The following TBC1D14 variants were observed in gnomAD, a reference collection of about 807,000 sequenced individuals.
TBC1D14 encodes TBC1 domain family member 14.
Under a neutral mutation model 79.0 loss-of-function variants are expected in TBC1D14, and 26 were observed. The observed-to-expected ratio is 0.33, with a 90% CI of 0.24 to 0.46. TBC1D14 has a LOEUF of 0.46. TBC1D14 is among the 20% of genes least tolerant of loss of function. The pLI, the probability that TBC1D14 is intolerant of heterozygous loss-of-function variation, is 1.00. For synonymous variants in TBC1D14, 394 were observed against 349.9 expected, an observed-to-expected ratio of 1.13 and a Z score of -1.40; for missense variants, 769 against 887.6, an observed-to-expected ratio of 0.87 and a Z score of 1.70.
At chr4:6,952,578 A>G (rs1027407499) in intron 2 of TBC1D14, among the ~76,000 whole-genome samples, 1 of 152,248 alleles carries the variant, frequency 6.6e-6, no homozygotes, top group African/African-American at 2.4e-5. Flanking sequence ...CACAGTGCAG[A>G]CATCTATGAA....
At chr4:6,940,097 A>G (rs1712761336) in intron 2 of TBC1D14, among the ~76,000 whole-genome samples, 2 of 152,134 alleles carry the variant, frequency 1.3e-5, no homozygotes, top group South Asian at 4.1e-4. Context: ...TTACTAGAAT[A>G]TCAAACTGCC....
chr4:6,971,278 C>G (rs1342215207), intron 3 of TBC1D14, among the ~76,000 whole-genome samples: 1 of 152,214 alleles, frequency 6.6e-6, no homozygotes, highest in African/African-American at 2.4e-5. Flanking sequence ...GGATAATGCG[C>G]ATGTGGTGTA....
chr4:6,918,409 T>G (rs1316967800), intron 1 of TBC1D14, among the ~76,000 whole-genome samples: 1 of 152,232 alleles, frequency 6.6e-6, no homozygotes, highest in Non-Finnish European at 1.5e-5. Flanking sequence ...TGGCTTACAT[T>G]CGTGTTTTGC....
At chr4:6,953,258 C>G (rs1389990556) in intron 2 of TBC1D14, among the ~76,000 whole-genome samples, 1 of 146,116 alleles carries the variant, frequency 6.8e-6, no homozygotes, top group South Asian at 2.1e-4. Flanking sequence ...CTCCTGACCT[C>G]GTGTTCCACC....
chr4:7,001,083 C>T (rs1425778266), intron 6 of TBC1D14, 62 bp from the exon 7 acceptor site: 14 of 1,452,622 alleles, frequency 9.6e-6, no homozygotes, highest in Middle Eastern at 1.9e-4. Context: ...GGGCTAGGCA[C>T]GCAGGTAGAC....
intron 13 of TBC1D14, among the ~76,000 whole-genome samples, chr4:7,028,815 C>G (rs929546241): frequency 6.6e-6 from 1 of 151,924 alleles, no homozygotes; most frequent in Non-Finnish European, 1.5e-5. Flanking sequence ...GGTTAAGACA[C>G]TGGTGAGCTT....
At chr4:6,938,680 G>A (rs1397042756) in intron 2 of TBC1D14, among the ~76,000 whole-genome samples, 1 of 152,196 alleles carries the variant, frequency 6.6e-6, no homozygotes, top group Non-Finnish European at 1.5e-5. Context: ...GCCACTGCCA[G>A]GAAGCCCTCT....
At chr4:7,022,248 G>A (rs1721904958) in intron 12 of TBC1D14, among the ~76,000 whole-genome samples, 1 of 152,244 alleles carries the variant, frequency 6.6e-6, no homozygotes, top group South Asian at 2.1e-4. Flanking sequence ...GGAGTCCAGG[G>A]GCTGGAGAGG....
At chr4:6,963,096 A>G (rs1038826673) in intron 2 of TBC1D14, among the ~76,000 whole-genome samples, 7 of 152,232 alleles carry the variant, frequency 4.6e-5, no homozygotes, top group Non-Finnish European at 7.3e-5. Flanking sequence ...GTGCCCTGGA[A>G]ACAGAAGCAG....
intron 2 of TBC1D14, among the ~76,000 whole-genome samples, chr4:6,959,746 C>T (rs760461047): frequency 5.3e-5 from 8 of 152,192 alleles, no homozygotes; most frequent in African/African-American, 1.7e-4. Flanking sequence ...GTACCAGCAG[C>T]GCATCACTGA....
rs1723183626 is a variant in TBC1D14 at position 7,032,821 on chromosome 4, CT to C, written c.*2431del. 6.6e-6 allele frequency: 1 copy of C among 152,244 alleles called. No homozygotes were observed. The highest frequency in any genetic ancestry group is 1.5e-5 in the Non-Finnish European group (1 of 68,036). 9.4% of individuals were successfully genotyped at this position (152,244 alleles called of 1,614,324 possible). ...TGCCGTTGACTCTCACAGTCTAAGACTTCAGGGCCGGGACCTTTGTCCAGCC... is the reference window on the plus strand; with the variant it reads ...TGCCGTTGACTCTCACAGTCTAAGACTCAGGGCCGGGACCTTTGTCCAGCC... On this transcript the variant is annotated 3_prime_UTR_variant, in exon 14 of 14. Transcript: ENST00000409757.
chr4:6,911,058 T>C (rs1259529835), intron 1 of TBC1D14, among the ~76,000 whole-genome samples: 1 of 152,134 alleles, frequency 6.6e-6, no homozygotes, highest in Non-Finnish European at 1.5e-5. Flanking sequence ...GGTGGTTGCT[T>C]TGTCTGGACC....
intron 6 of TBC1D14, among the ~76,000 whole-genome samples, chr4:7,000,890 A>G (rs968484760): frequency 6.6e-6 from 1 of 152,214 alleles, no homozygotes; most frequent in Non-Finnish European, 1.5e-5. Flanking sequence ...ACTTGGCCCC[A>G]GAGCGTGCCT....
upstream of TBC1D14, chr4:6,909,787 A>G (rs1722813111): frequency 6.8e-6 from 1 of 147,420 alleles, no homozygotes; most frequent in African/African-American, 2.5e-5. Flanking sequence ...GGGCGAAGCG[A>G]GGGTGCGCGC....
intron 6 of TBC1D14, among the ~76,000 whole-genome samples, chr4:6,999,469 G>A (rs1455154376): frequency 6.6e-6 from 1 of 152,088 alleles, no homozygotes; most frequent in Non-Finnish European, 1.5e-5. Context: ...CCCTTACCTA[G>A]AATTTCAGTA....
At chr4:6,997,756 C>G (rs1719210010) in intron 5 of TBC1D14, among the ~76,000 whole-genome samples, 1 of 152,156 alleles carries the variant, frequency 6.6e-6, no homozygotes, top group African/African-American at 2.4e-5. Flanking sequence ...CTAAGTGAAA[C>G]CAATCAATCA....
chr4:6,929,996 CT>C (rs1711580327), intron 2 of TBC1D14, among the ~76,000 whole-genome samples: 1 of 152,234 alleles, frequency 6.6e-6, no homozygotes. Context: ...AGACAACACC[CT>C]GTCTCTTGTA....
At chr4:6,933,174 C>A (rs190600165) in intron 2 of TBC1D14, among the ~76,000 whole-genome samples, 108 of 151,010 alleles carry the variant, frequency 7.2e-4, no homozygotes, top group African/African-American at 2.6e-3. Context: ...CAAATCTCTT[C>A]CCAGAGAGAA....
intron 3 of TBC1D14, among the ~76,000 whole-genome samples, chr4:6,970,257 A>G (rs1242021186): frequency 1.3e-5 from 2 of 152,220 alleles, no homozygotes; most frequent in Non-Finnish European, 2.9e-5. Flanking sequence ...TTAGACTACC[A>G]GGGTTTGTAT....
Sources: allele counts gnomAD v4.1 joint callset (sites outside exome capture counted in the v4.1 genomes callset), GRCh38; gene constraint gnomAD v4.1.1; transcripts MANE v1.5; gene names NCBI Gene and HGNC (gene_info 2026-07-23, HGNC 2026-07-21).